ANKRD36: variants seen among roughly 807,000 people sequenced by gnomAD.
ANKRD36 encodes the protein ankyrin repeat domain 36.
A neutral mutation model predicts 278.1 loss-of-function variants in ANKRD36; 179 were observed. The observed-to-expected ratio is 0.64, with a 90% confidence interval of 0.57 to 0.73. The LOEUF (loss-of-function observed/expected upper bound fraction) is 0.73. ANKRD36 is among the 30% of genes least tolerant of loss of function. The pLI, the probability that ANKRD36 is intolerant of heterozygous loss-of-function variation, is 0.00. For synonymous variants in ANKRD36, 320 were observed against 641.1 expected (o/e 0.50, Z 7.57); for missense variants, 1,159 against 1,956.7 (o/e 0.59, Z 7.69).
intron 22 of ANKRD36, among the ~76,000 whole-genome samples, chr2:97,170,406 C>G (rs1206162504): frequency 1.3e-5 from 2 of 152,036 alleles, no homozygotes; most frequent in Admixed American, 6.6e-5. Flanking sequence ...CGCTGCATAT[C>G]TACAACTATC....
chr2:97,220,596 A>G (rs1203407941), intron 66 of ANKRD36, among the ~76,000 whole-genome samples: 3 of 151,820 alleles, frequency 2.0e-5, no homozygotes, highest in Admixed American at 6.6e-5. Flanking sequence ...GCTGAGCCGT[A>G]TATGTATCAC....
intron 45 of ANKRD36, 40 bp from the exon 46 acceptor site, chr2:97,200,413 A>G (rs760747869): frequency 1.2e-6 from 2 of 1,602,124 alleles, no homozygotes; most frequent in South Asian, 1.1e-5. Flanking sequence ...TAGCCTATGA[A>G]ACATACCTTA....
intron 38 of ANKRD36, among the ~76,000 whole-genome samples, chr2:97,194,037 T>C (rs1480642608): frequency 6.6e-6 from 1 of 151,712 alleles, no homozygotes; most frequent in African/African-American, 2.4e-5. Context: ...ATGATATTTT[T>C]ATTGAGGCTA....
Position 97,209,722 on chromosome 2 carries a change from T to G in ANKRD36, c.3294+13T>G, listed in dbSNP as rs758174931. On this transcript the variant is annotated intron_variant, in intron 55 of 75. Coordinates refer to ENST00000420699, the MANE Select transcript of ANKRD36 (RefSeq NM_001354587.1). Reference sequence around the variant, plus strand: ...ACCAGCCTTGAAGGTAATGAAACTCTCATTCATATTGTGAGCTAGTAAACG... The same window carrying G: ...ACCAGCCTTGAAGGTAATGAAACTCGCATTCATATTGTGAGCTAGTAAACG... The G allele has an allele frequency of 3.2e-6, 5 of 1,583,878 alleles. No individual in the cohort carries two copies. In the Admixed American group the frequency reaches 8.6e-5, roughly 27 times the overall value.
intron 22 of ANKRD36, among the ~76,000 whole-genome samples, chr2:97,173,571 C>CA (rs1213019712): frequency 5.9e-5 from 9 of 151,798 alleles, no homozygotes; most frequent in Non-Finnish European, 1.0e-4. Context: ...ACAGATGTCA[C>CA]ATACAGTGGT....
At chr2:97,164,528 T>A (rs2050108871) in intron 20 of ANKRD36, 59 bp downstream of exon 20, 1 of 1,511,876 alleles carries the variant, frequency 6.6e-7, no homozygotes, top group Admixed American at 2.0e-5. Context: ...TTGAAAATGC[T>A]CATAGTTTTT....
chr2:97,192,976 T>C lies in ANKRD36; in HGVS notation c.2377-5T>C. 6.3e-7 allele frequency: 1 copy of C among 1,584,210 alleles called. No homozygotes were observed. The highest frequency in any genetic ancestry group is 8.6e-7 in the Non-Finnish European group (1 of 1,165,294). Reference sequence around the variant, plus strand: ...ATTTATTATTTCATTTGAAATTCCATTCAGGCTACAAGTGACGAGGAAGGT... The same window carrying C: ...ATTTATTATTTCATTTGAAATTCCACTCAGGCTACAAGTGACGAGGAAGGT... On this transcript the variant is annotated splice_region_variant and splice_polypyrimidine_tract_variant and intron_variant, in intron 37 of 75. Transcript: ENST00000420699.
chr2:97,114,118 T>G (rs1574438932), intron 1 of ANKRD36, among the ~76,000 whole-genome samples, 182 bp downstream of exon 1: 2 of 79,838 alleles, frequency 2.5e-5, no homozygotes. Flanking sequence ...GTATATGGGG[T>G]GGCGGGGTGT....
At chr2:97,263,149 C>T (rs535605965) in intron 75 of ANKRD36, among the ~76,000 whole-genome samples, 1 of 132,444 alleles carries the variant, frequency 7.6e-6, no homozygotes, top group South Asian at 4.1e-4. Context: ...ACTTGTGGAA[C>T]TTAATTAGAC....
At chr2:97,166,895 C>CT (rs1178827131) in intron 20 of ANKRD36, among the ~76,000 whole-genome samples, 3 of 152,270 alleles carry the variant, frequency 2.0e-5, no homozygotes, top group African/African-American at 7.2e-5. Context: ...TATTATTATA[C>CT]TTTAAGTTTT....
Position 97,206,124 on chromosome 2 carries a change from A to G in ANKRD36, c.3152A>G (p.Lys1051Arg), listed in dbSNP as rs767170604. ...GCCAGAGAAAACAAGGATGGAGAAA[A>G]ATCTAGGACAGGTAATTCTGAAAAC... ...SIARENKDGE[K>R]SRTVSSEKPS... Residue 1051 changes from lysine (K) to arginine (R), a missense_variant, in exon 52 of 76, where the codon AAA becomes AGA. By Grantham distance (26) the Lys-to-Arg change is conservative. Transcript: ENST00000420699. The G allele has an allele frequency of 6.5e-7, 1 of 1,540,218 alleles. No individual in the cohort carries two copies. Among genetic ancestry groups the G allele is most frequent in the South Asian group, 1.2e-5 (1 of 83,422 alleles).
rs1450917458 is a variant in ANKRD36 at position 97,202,321 on chromosome 2, G to C, written c.2887G>C (p.Gly963Arg). 1 of 1,578,028 alleles carries C rather than the reference G, an allele frequency of 6.3e-7. No homozygotes were observed. ...TTATTTCGTTTTAAATTCCATTCAG[G>C]GTACAAGTGACGAGGAAGATTCTGT... ...VSSQKPPALK[G>R]TSDEEDSVLG... The change falls in exon 48 of 76, where the codon GGT (glycine) becomes CGT (arginine). Residue 963 changes from glycine (G) to arginine (R), a missense_variant and splice_region_variant. Coordinates refer to ENST00000420699, the MANE Select transcript of ANKRD36 (RefSeq NM_001354587.1).
intron 22 of ANKRD36, among the ~76,000 whole-genome samples, chr2:97,179,158 G>A (rs1472822112): frequency 6.6e-6 from 1 of 151,478 alleles, no homozygotes; most frequent in Non-Finnish European, 1.5e-5. Context: ...CATCATATGG[G>A]TGTGAGAAAT....
At chr2:97,139,700 C>T (rs560862525) in intron 6 of ANKRD36, among the ~76,000 whole-genome samples, 1 of 152,206 alleles carries the variant, frequency 6.6e-6, no homozygotes, top group East Asian at 1.9e-4. Context: ...GCAAGCATAG[C>T]TGTATCTCTC....
intron 30 of ANKRD36, among the ~76,000 whole-genome samples, chr2:97,186,306 A>G (rs969980561): frequency 2.6e-5 from 4 of 151,118 alleles, no homozygotes; most frequent in Non-Finnish European, 5.9e-5. Flanking sequence ...AATGAATATT[A>G]TTTAGAGAAT....
chr2:97,202,075 G>C (rs1402911678), intron 46 of ANKRD36, 127 bp from the exon 47 acceptor site: 1 of 1,543,444 alleles, frequency 6.5e-7, no homozygotes, highest in Non-Finnish European at 8.7e-7. Flanking sequence ...CAGACACAAA[G>C]TAGAAGCCAT....
At chr2:97,146,404 A>G (rs1460844870) in intron 10 of ANKRD36, 82 bp from the exon 11 acceptor site, 4 of 1,179,894 alleles carry the variant, frequency 3.4e-6, no homozygotes, top group Non-Finnish European at 4.6e-6. Flanking sequence ...TATAGGAACA[A>G]GTCACTGTGC....
chr2:97,170,496 A>G (rs562536750), intron 22 of ANKRD36, among the ~76,000 whole-genome samples: 5 of 151,960 alleles, frequency 3.3e-5, no homozygotes, highest in Admixed American at 2.6e-4. Flanking sequence ...AAAACTTTCT[A>G]CATAGCCATA....
chr2:97,178,794 A>G (rs1484771713), intron 22 of ANKRD36, among the ~76,000 whole-genome samples: 4 of 103,980 alleles, frequency 3.8e-5, no homozygotes, highest in Non-Finnish European at 5.7e-5. Flanking sequence ...TAACCTGCAC[A>G]ATGTGCGCAT....
Sources: gnomAD v4.1 joint callset for allele counts (sites outside exome capture counted in the v4.1 genomes callset) on GRCh38, gnomAD v4.1.1 for gene constraint, MANE v1.5 for transcripts, NCBI Gene and HGNC (gene_info 2026-07-23, HGNC 2026-07-21) for gene names.